The following UNC5C variants were observed in gnomAD, a reference collection of about 807,000 sequenced individuals.
UNC5C encodes the protein netrin receptor UNC5C.
UNC5C carries 47 observed loss-of-function variants against 99.8 expected under a neutral mutation model. The observed-to-expected ratio is 0.47, with a 90% CI of 0.37 to 0.60. UNC5C has a LOEUF of 0.60. UNC5C is among the 20% of genes least tolerant of loss of function. The pLI is 0.00. For missense variants in UNC5C, 1,062 were observed against 1,165.9 expected (o/e 0.91, Z 1.30); for synonymous variants, 487 against 452.2 (o/e 1.08, Z -0.98).
intron 1 of UNC5C, among the ~76,000 whole-genome samples, chr4:95,362,246 C>G (rs930970031): frequency 6.6e-6 from 1 of 152,150 alleles, no homozygotes; most frequent in African/African-American, 2.4e-5. Context: ...ACTCGCTTCC[C>G]CTCCTGCCCA....
chr4:95,349,330 TGTGTGTGTGTGG>T (rs1743898358), intron 1 of UNC5C, among the ~76,000 whole-genome samples: 1 of 135,290 alleles, frequency 7.4e-6, no homozygotes, highest in South Asian at 2.6e-4. Context: ...AGGGTGTGTG[TGTGTGTGTGTGG>T]GTGTGTGTGG....
intron 1 of UNC5C, among the ~76,000 whole-genome samples, chr4:95,372,186 A>C (rs1744768091): frequency 6.6e-6 from 1 of 152,184 alleles, no homozygotes; most frequent in Admixed American, 6.5e-5. Flanking sequence ...TCTCCAGTGG[A>C]GCATCCTGAG....
intron 1 of UNC5C, among the ~76,000 whole-genome samples, chr4:95,444,243 A>C (rs1747029171): frequency 6.6e-6 from 1 of 152,078 alleles, no homozygotes; most frequent in Non-Finnish European, 1.5e-5. Flanking sequence ...GGGTCTTGGA[A>C]GTTCACTGTG....
chr4:95,198,795 C>A lies in UNC5C; in HGVS notation c.2136+3936G>T, dbSNP rs1579223326. On this transcript the variant is annotated intron_variant, in intron 12 of 15. Coordinates refer to ENST00000453304, the MANE Select transcript of UNC5C (RefSeq NM_003728.4). ...TGTGAGGTGTTACCAGGAAGATCCA[C>A]TGGCAGTTAATGAGAGCAGGTGGAG... 1.3e-5 allele frequency among the ~76,000 whole-genome samples: 2 copies of A among 152,162 alleles called. 1 individual carries two copies. Among genetic ancestry groups the A allele is most frequent in the Admixed American group, 1.3e-4 (2 of 15,272 alleles).
At chr4:95,373,737 T>C (rs750789076) in intron 1 of UNC5C, among the ~76,000 whole-genome samples, 1 of 152,144 alleles carries the variant, frequency 6.6e-6, no homozygotes, top group Non-Finnish European at 1.5e-5. Flanking sequence ...CTGTTGAATA[T>C]GGGATGGAAA....
rs1323806094 is a variant in UNC5C, at chr4:95,359,789, T to C, written c.125-24158A>G. Among the ~76,000 whole-genome samples, 5 of 152,236 alleles carry C rather than the reference T, an allele frequency of 3.3e-5. No homozygotes were observed. In the East Asian group the frequency reaches 7.7e-4, roughly 23 times the overall value. The stretch of plus-strand genomic sequence containing the variant: ...TTTTGAAAATAATTCTCTAACAGTA[T>C]TATGGTTAGTAACAATATTGAAAAA... On this transcript the variant is annotated intron_variant, in intron 1 of 15. Coordinates refer to ENST00000453304, the MANE Select transcript of UNC5C (RefSeq NM_003728.4).
chr4:95,378,634 A>T (rs951098092), intron 1 of UNC5C, among the ~76,000 whole-genome samples: 8 of 152,186 alleles, frequency 5.3e-5, no homozygotes, highest in African/African-American at 1.9e-4. Context: ...TATTTATTTA[A>T]TGAATGAATA....
At chr4:95,432,835 T>A (rs1207322041) in intron 1 of UNC5C, among the ~76,000 whole-genome samples, 2 of 152,072 alleles carry the variant, frequency 1.3e-5, no homozygotes, top group Non-Finnish European at 2.9e-5. Context: ...AGCAAAATGC[T>A]CATAGTGGGT....
chr4:95,234,317 T>C (rs865814116), intron 7 of UNC5C, among the ~76,000 whole-genome samples: 1 of 152,180 alleles, frequency 6.6e-6, no homozygotes, highest in Non-Finnish European at 1.5e-5. Flanking sequence ...AATGTTAAGT[T>C]TTTTTAGATC....
At chr4:95,264,603 G>A (rs1166149129) in intron 4 of UNC5C, among the ~76,000 whole-genome samples, 2 of 151,998 alleles carry the variant, frequency 1.3e-5, no homozygotes, top group East Asian at 3.9e-4. Context: ...ACCCTCCCCA[G>A]CTATGCTTCA....
At chr4:95,480,832 T>G (rs1164124947) in intron 1 of UNC5C, among the ~76,000 whole-genome samples, 1 of 151,876 alleles carries the variant, frequency 6.6e-6, no homozygotes, top group Admixed American at 6.6e-5. Context: ...AAACTCTCAA[T>G]AAATTAGGTA....
At chr4:95,537,419 C>T (rs1417341651) in intron 1 of UNC5C, among the ~76,000 whole-genome samples, 3 of 152,094 alleles carry the variant, frequency 2.0e-5, no homozygotes, top group South Asian at 2.1e-4. Flanking sequence ...GGTGTAAGCA[C>T]GACAGCCACT....
chr4:95,418,283 G>A (rs1746226004), intron 1 of UNC5C, among the ~76,000 whole-genome samples: 1 of 152,174 alleles, frequency 6.6e-6, no homozygotes, highest in Non-Finnish European at 1.5e-5. Context: ...ATATCAGTTT[G>A]TGATTATTGT....
At chr4:95,535,814 G>T in intron 1 of UNC5C, among the ~76,000 whole-genome samples, 1 of 151,562 alleles carries the variant, frequency 6.6e-6, no homozygotes, top group Non-Finnish European at 1.5e-5. Flanking sequence ...GCACACACGG[G>T]TGCACACATA....
intron 10 of UNC5C, among the ~76,000 whole-genome samples, chr4:95,211,864 T>C (rs2149364431): frequency 6.6e-6 from 1 of 152,288 alleles, no homozygotes; most frequent in East Asian, 1.9e-4. Flanking sequence ...TAAATGAACA[T>C]TGTCAAGAAC....
At chr4:95,397,969 C>T (rs1169692224) in intron 1 of UNC5C, among the ~76,000 whole-genome samples, 2 of 149,072 alleles carry the variant, frequency 1.3e-5, no homozygotes, top group African/African-American at 5.0e-5. Context: ...TCCAGTCCTA[C>T]ATCTGTTGCA....
intron 1 of UNC5C, among the ~76,000 whole-genome samples, chr4:95,513,795 G>A (rs1232274401): frequency 6.6e-6 from 1 of 152,028 alleles, no homozygotes; most frequent in Non-Finnish European, 1.5e-5. Context: ...TTTCTTGGAC[G>A]CTCATGTATT....
rs752562636 is a variant in UNC5C, at chr4:95,216,249, T to C, written c.1646-38A>G. The C allele has an allele frequency of 1.0e-5, 16 of 1,543,184 alleles. No individual in the cohort carries two copies. The South Asian group carries it at 1.7e-4, about 16-fold the overall frequency. On this transcript the variant is annotated intron_variant, in intron 9 of 15. Coordinates refer to ENST00000453304, the MANE Select transcript of UNC5C (RefSeq NM_003728.4). The stretch of plus-strand genomic sequence containing the variant: ...AGAGAAAAGCAGTCATTTAAGACTT[T>C]TGCAGCACGTAAAAGGGAATGAGGA...
intron 1 of UNC5C, among the ~76,000 whole-genome samples, chr4:95,468,669 T>G (rs1747873222): frequency 6.6e-6 from 1 of 152,096 alleles, no homozygotes; most frequent in Non-Finnish European, 1.5e-5. Flanking sequence ...TCTATGGAGG[T>G]TCTCTTCCAT....
Sources: allele counts gnomAD v4.1 joint callset (sites outside exome capture counted in the v4.1 genomes callset), GRCh38; gene constraint gnomAD v4.1.1; transcripts MANE v1.5; gene names NCBI Gene and HGNC (gene_info 2026-07-23, HGNC 2026-07-21).